Variants in CALCOCO1 observed in about 807,000 individuals in gnomAD.
CALCOCO1 encodes the protein calcium binding and coiled-coil domain 1.
A neutral mutation model predicts 86.3 loss-of-function variants in CALCOCO1; 44 were observed. The observed-to-expected ratio is 0.51, with a 90% CI of 0.40 to 0.66. The LOEUF (loss-of-function observed/expected upper bound fraction) is 0.66. CALCOCO1 is among the 30% of genes least tolerant of loss of function. CALCOCO1 has a pLI of 0.00. For missense variants in CALCOCO1, 708 were observed against 851.1 expected (o/e 0.83, Z 2.09); for synonymous variants, 297 against 327.6 (o/e 0.91, Z 1.01).
At chr12:53,721,898 T>C in intron 5 of CALCOCO1, 127 bp downstream of exon 5, 1 of 1,114,304 alleles carries the variant, frequency 9.0e-7, no homozygotes. Flanking sequence ...CCCTTAAACC[T>C]ATTTCCTTGA....
At position 53,710,369 on chromosome 12, in the gene CALCOCO1, G is replaced by C. The variant is rs927553070; in HGVS notation, c.*1575C>G. The stretch of plus-strand genomic sequence containing the variant: ...AGGTGAATGGAGAAAGGGAATGGTG[G>C]GGGTGGTCCACACAGGGGCCCTGAA... On this transcript the variant is annotated 3_prime_UTR_variant, in exon 15 of 15. Coordinates refer to ENST00000550804, the MANE Select transcript of CALCOCO1 (RefSeq NM_020898.3). The C allele has an allele frequency of 1.3e-4, 20 of 152,414 alleles. No homozygotes were observed. The highest frequency in any genetic ancestry group is 4.6e-4 in the African/African-American group (19 of 41,404). The allele number at this position is 152,414 out of a possible 1,614,324, so 9.4% of individuals were successfully genotyped here.
At chr12:53,714,840 A>G in intron 10 of CALCOCO1, 147 bp from the exon 11 acceptor site, 1 of 629,058 alleles carries the variant, frequency 1.6e-6, no homozygotes, top group Non-Finnish European at 2.8e-6. Context: ...GGAATTCCCA[A>G]CACTTCCTCC....
At chr12:53,715,443 G>T in intron 9 of CALCOCO1, 118 bp from the exon 10 acceptor site, 1 of 1,363,084 alleles carries the variant, frequency 7.3e-7, no homozygotes, top group Non-Finnish European at 1.0e-6. Flanking sequence ...CATTTTTAGA[G>T]CACTTTCCCC....
At chr12:53,712,622 TTCCCTTC>T in intron 14 of CALCOCO1, 1 of 299,590 alleles carries the variant, frequency 3.3e-6, no homozygotes, top group Non-Finnish European at 6.2e-6. Flanking sequence ...CCTCTATAGG[TTCCCTTC>T]CCTAAGGGTT....
rs1385245812 is a variant in CALCOCO1, at chr12:53,719,662, T to C, written c.849+77A>G. 4.2e-6 allele frequency: 4 copies of C among 962,658 alleles called. No individual in the cohort carries two copies. The African/African-American group carries it at 6.5e-5, about 16-fold the overall frequency. 59.6% of individuals were successfully genotyped at this position (962,658 alleles called of 1,614,324 possible). ...ATGTCTTCTTTACATTTTTATTCCC[T>C]TTGGTGTCTGGCTCTCGAGAGGGAA... is the stretch of plus-strand genomic sequence containing the variant. On this transcript the variant is annotated intron_variant, in intron 7 of 14. Coordinates refer to ENST00000550804, the MANE Select transcript of CALCOCO1 (RefSeq NM_020898.3).
chr12:53,712,901 T>C, intron 14 of CALCOCO1, 199 bp downstream of exon 14: 1 of 1,432,802 alleles, frequency 7.0e-7, no homozygotes, highest in Admixed American at 2.0e-5. Context: ...ATTGATAAGA[T>C]AGGGGTAGGG....
In CALCOCO1 at chr12:53,722,047, G is replaced by A. The variant is rs146731373; in HGVS notation, c.587C>T (p.Thr196Met). The A allele has an allele frequency of 3.0e-4, 485 of 1,613,392 alleles. No individual in the cohort carries two copies. Among genetic ancestry groups the A allele is most frequent in the Non-Finnish European group, 3.9e-4 (458 of 1,180,014 alleles). ...RALATARQEH[T>M]ELMEQYKGIS... ...CACCTTGTACTGTTCCATCAGCTCC[G>A]TGTGCTCCTGCCTGGCAGTTGCCAG... The change falls in exon 5 of 15, where the codon ACG (threonine) becomes ATG (methionine). Residue 196 changes from threonine to methionine, a missense_variant. Physicochemically the swap from Thr to Met is moderately conservative, Grantham distance 81 (BLOSUM62 -1). Coordinates refer to ENST00000550804, the MANE Select transcript of CALCOCO1 (RefSeq NM_020898.3).
chr12:53,714,289 C>T (rs1260045176), intron 11 of CALCOCO1, 48 bp from the exon 12 acceptor site: 7 of 1,405,910 alleles, frequency 5.0e-6, no homozygotes, highest in Non-Finnish European at 6.0e-6. Context: ...GGGAAGGTGC[C>T]AACCTTGCTA....
At chr12:53,719,689 C>A in intron 7 of CALCOCO1, 50 bp downstream of exon 7, 2 of 1,349,142 alleles carry the variant, frequency 1.5e-6, no homozygotes, top group Non-Finnish European at 2.1e-6. Context: ...GAGAGGGAAT[C>A]AAACACTGGC....
At chr12:53,727,153 C>G (rs1347959159) in intron 1 of CALCOCO1, among the ~76,000 whole-genome samples, 1 of 152,088 alleles carries the variant, frequency 6.6e-6, no homozygotes, top group African/African-American at 2.4e-5. Flanking sequence ...TTGAAGGGAT[C>G]AGCTTTATAG....
intron 6 of CALCOCO1, 48 bp from the exon 7 acceptor site, chr12:53,719,877 A>G (rs765702455): frequency 7.7e-7 from 1 of 1,305,602 alleles, no homozygotes; most frequent in Admixed American, 1.7e-5. Context: ...CACCCAGAGA[A>G]GGAATGGACT....
chr12:53,717,950 G>A (rs928704002), intron 7 of CALCOCO1, among the ~76,000 whole-genome samples: 1 of 152,130 alleles, frequency 6.6e-6, no homozygotes, highest in Non-Finnish European at 1.5e-5. Flanking sequence ...TCTTGAACCC[G>A]GAAGGCAGAA....
Position 53,722,007 on chromosome 12 carries a change from A to T in CALCOCO1, c.609+18T>A. ...GGTGAGCAGCCAGGCCCTGTCCCCT[A>T]CCTGGCCCAGCTCCCACCTTGTACT... On this transcript the variant is annotated intron_variant, in intron 5 of 14. Coordinates refer to ENST00000550804, the MANE Select transcript of CALCOCO1 (RefSeq NM_020898.3). The T allele has an allele frequency of 1.2e-6, 2 of 1,611,646 alleles. No homozygotes were observed. The highest frequency in any genetic ancestry group is 1.7e-6 in the Non-Finnish European group (2 of 1,179,954).
At chr12:53,725,625 C>T (rs1565651989) in intron 1 of CALCOCO1, 1 of 159,168 alleles carries the variant, frequency 6.3e-6, no homozygotes, top group Non-Finnish European at 1.4e-5. Context: ...TCCCACACAT[C>T]CTGGCTCTTG....
intron 2 of CALCOCO1, 167 bp downstream of exon 2, chr12:53,724,920 T>G: frequency 2.3e-6 from 2 of 869,970 alleles, no homozygotes; most frequent in Non-Finnish European, 3.5e-6. Context: ...AAGGCTAAGA[T>G]GGAGAAAATA....
At chr12:53,713,311 C>G in intron 13 of CALCOCO1, 105 bp from the exon 14 acceptor site, 1 of 891,580 alleles carries the variant, frequency 1.1e-6, no homozygotes, top group Non-Finnish European at 1.8e-6. Flanking sequence ...AGGACAGTGA[C>G]CTGAGGGGCT....
At chr12:53,712,909 G>T in intron 14 of CALCOCO1, 191 bp downstream of exon 14, 1 of 1,402,236 alleles carries the variant, frequency 7.1e-7, no homozygotes, top group Non-Finnish European at 9.7e-7. Flanking sequence ...GATAGGGGTA[G>T]GGATTACCTG....
rs544808663 is a variant in CALCOCO1, at chr12:53,725,248, C to T, written c.-6G>A. 3 of 1,581,102 alleles carry T rather than the reference C, an allele frequency of 1.9e-6. No individual in the cohort carries two copies. The East Asian group carries it at 6.9e-5, about 36-fold the overall frequency. ...CTTAGTGGTGATTCTTCCATCCTGG[C>T]CTTGAGATATCTGTCCTCCTATGAA... is the stretch of plus-strand genomic sequence containing the variant. On this transcript the variant is annotated 5_prime_UTR_variant, in exon 2 of 15. Coordinates refer to ENST00000550804, the MANE Select transcript of CALCOCO1 (RefSeq NM_020898.3).
intron 1 of CALCOCO1, among the ~76,000 whole-genome samples, chr12:53,725,524 CTT>C (rs1278634693): frequency 2.6e-5 from 4 of 152,316 alleles, no homozygotes; most frequent in Admixed American, 6.5e-5. Context: ...AGGGTTCAGA[CTT>C]CTCTAATTTT....
Sources: allele counts gnomAD v4.1 joint callset (sites outside exome capture counted in the v4.1 genomes callset), GRCh38; gene constraint gnomAD v4.1.1; transcripts MANE v1.5; gene names NCBI Gene and HGNC (gene_info 2026-07-23, HGNC 2026-07-21).